NSMCE2: variants seen among roughly 807,000 people sequenced by gnomAD.
NSMCE2 encodes the protein E3 SUMO-protein ligase NSE2.
In NSMCE2, 24 loss-of-function variants were observed where a neutral mutation model predicts 23.8. The ratio of observed to expected loss-of-function variants is 1.01; its 90% CI spans 0.73 to 1.42. The LOEUF (loss-of-function observed/expected upper bound fraction) is 1.42. NSMCE2 is among the 40% of genes most tolerant of loss of function. The probability of loss-of-function intolerance (pLI) is 0.00; values close to 1 mark genes in which losing one functional copy is unlikely to be tolerated. For synonymous variants in NSMCE2, 92 were observed against 94.1 expected (o/e 0.98, Z 0.13); for missense variants, 284 against 296.5 (o/e 0.96, Z 0.31).
At chr8:125,108,433 C>G (rs1818575153) in intron 3 of NSMCE2, among the ~76,000 whole-genome samples, 1 of 152,232 alleles carries the variant, frequency 6.6e-6, no homozygotes, top group Non-Finnish European at 1.5e-5. Context: ...CAGCCAGTAT[C>G]AGCACTTAAG....
chr8:125,174,790 C>T (rs1196756674), intron 4 of NSMCE2, among the ~76,000 whole-genome samples: 4 of 152,118 alleles, frequency 2.6e-5, no homozygotes, highest in African/African-American at 9.7e-5. Context: ...CTTGATGTGT[C>T]GTAATGCTCA....
intron 3 of NSMCE2, among the ~76,000 whole-genome samples, chr8:125,109,805 G>C (rs1316074442): frequency 1.3e-5 from 2 of 152,030 alleles, no homozygotes; most frequent in Admixed American, 1.3e-4. Context: ...ATGGTGTCTA[G>C]GCAATTAGAC....
chr8:125,131,519 A>G (rs1819769918), intron 3 of NSMCE2, among the ~76,000 whole-genome samples: 1 of 152,208 alleles, frequency 6.6e-6, no homozygotes, highest in Non-Finnish European at 1.5e-5. Context: ...ACATCATTAC[A>G]TCAGGATATA....
At chr8:125,097,401 C>A (rs1210914296) in intron 1 of NSMCE2, among the ~76,000 whole-genome samples, 1 of 152,142 alleles carries the variant, frequency 6.6e-6, no homozygotes, top group Non-Finnish European at 1.5e-5. Flanking sequence ...AGAATGAAAT[C>A]CAGTTATCTT....
intron 1 of NSMCE2, among the ~76,000 whole-genome samples, chr8:125,098,174 G>T (rs1818023136): frequency 6.6e-6 from 1 of 152,068 alleles, no homozygotes; most frequent in South Asian, 2.1e-4. Flanking sequence ...TGAGGGTGAG[G>T]TCCAGCAATC....
intron 5 of NSMCE2, among the ~76,000 whole-genome samples, chr8:125,277,008 C>T (rs1313686920): frequency 3.3e-5 from 5 of 152,144 alleles, no homozygotes; most frequent in African/African-American, 7.2e-5. Flanking sequence ...GTTCTGATGG[C>T]GCATGAGATC....
chr8:125,249,123 A>T (rs769277166), intron 5 of NSMCE2, among the ~76,000 whole-genome samples: 6 of 151,838 alleles, frequency 4.0e-5, no homozygotes, highest in Non-Finnish European at 5.9e-5. Flanking sequence ...GTGAGCCAAG[A>T]TCATGCCACT....
chr8:125,115,105 CT>C (rs1452894778), intron 3 of NSMCE2, among the ~76,000 whole-genome samples: 1 of 152,276 alleles, frequency 6.6e-6, no homozygotes, highest in East Asian at 1.9e-4. Flanking sequence ...ATTTTAGGTT[CT>C]CTTTAAATGC....
At chr8:125,301,158 G>C (rs989005810) in intron 5 of NSMCE2, among the ~76,000 whole-genome samples, 12 of 152,186 alleles carry the variant, frequency 7.9e-5, no homozygotes, top group African/African-American at 2.9e-4. Flanking sequence ...ATCATAACTT[G>C]AGCAGGATTG....
chr8:125,329,937 ATTTTTTTTGTT>A (rs1451426513), intron 5 of NSMCE2, among the ~76,000 whole-genome samples: 27 of 151,618 alleles, frequency 1.8e-4, no homozygotes, highest in Non-Finnish European at 1.9e-4. Flanking sequence ...ACTGGTTGTT[ATTTTTTTTGTT>A]ACTATCACTT....
At chr8:125,332,007 A>T (rs961050091) in intron 5 of NSMCE2, among the ~76,000 whole-genome samples, 2 of 152,306 alleles carry the variant, frequency 1.3e-5, no homozygotes, top group East Asian at 1.9e-4. Context: ...TTCTCACAAC[A>T]TCCCTGCCAT....
intron 5 of NSMCE2, among the ~76,000 whole-genome samples, chr8:125,222,966 G>A (rs1038887989): frequency 1.3e-5 from 2 of 152,124 alleles, no homozygotes; most frequent in African/African-American, 4.8e-5. Flanking sequence ...GGAGGCTGAG[G>A]TGGGAGGATC....
chr8:125,287,863 A>G (rs527822078), intron 5 of NSMCE2, among the ~76,000 whole-genome samples: 116 of 152,202 alleles, frequency 7.6e-4, no homozygotes, highest in African/African-American at 2.6e-3. Context: ...TCCAATCCAT[A>G]TCTTCCTAAG....
intron 5 of NSMCE2, among the ~76,000 whole-genome samples, chr8:125,238,192 A>G (rs978570543): frequency 2.0e-5 from 3 of 152,108 alleles, no homozygotes; most frequent in Admixed American, 6.5e-5. Context: ...GGAAGACACA[A>G]TGATTTCAAC....
intron 5 of NSMCE2, among the ~76,000 whole-genome samples, chr8:125,347,502 T>G (rs1812826241): frequency 6.6e-6 from 1 of 152,234 alleles, no homozygotes; most frequent in Admixed American, 6.5e-5. Context: ...AGACCCGATC[T>G]TATTCCTCTT....
At chr8:125,275,010 TA>T (rs1563757657) in intron 5 of NSMCE2, among the ~76,000 whole-genome samples, 1 of 134,926 alleles carries the variant, frequency 7.4e-6, no homozygotes, top group Non-Finnish European at 1.6e-5. Context: ...ATAATAATAA[TA>T]ATAATAATAA....
intron 5 of NSMCE2, among the ~76,000 whole-genome samples, chr8:125,296,444 G>A (rs1387946291): frequency 6.8e-6 from 1 of 148,092 alleles, no homozygotes; most frequent in Non-Finnish European, 1.5e-5. Context: ...ACCCAGGCTG[G>A]AGTGCAGTGG....
chr8:125,283,412 A>G (rs1201251441), intron 5 of NSMCE2, among the ~76,000 whole-genome samples: 1 of 152,072 alleles, frequency 6.6e-6, no homozygotes, highest in Non-Finnish European at 1.5e-5. Flanking sequence ...GGTGACCTGC[A>G]CCTGCAGTCC....
chr8:125,233,068 G>A (rs1433246324), intron 5 of NSMCE2, among the ~76,000 whole-genome samples: 2 of 152,226 alleles, frequency 1.3e-5, no homozygotes, highest in South Asian at 2.1e-4. Context: ...TTACGGAAAA[G>A]TAAGGAATCT....
Sources: allele counts gnomAD v4.1 joint callset (sites outside exome capture counted in the v4.1 genomes callset), GRCh38; gene constraint gnomAD v4.1.1; transcripts MANE v1.5; gene names NCBI Gene and HGNC (gene_info 2026-07-23, HGNC 2026-07-21).